GPHN: variants seen among roughly 807,000 people sequenced by gnomAD.
GPHN encodes the protein gephyrin.
GPHN carries 17 observed loss-of-function variants against 95.5 expected under a neutral mutation model. That is an observed-to-expected ratio of 0.18 (90% CI 0.12 to 0.27). The LOEUF is 0.27. Among genes scored for constraint, GPHN ranks in the 10% least tolerant of loss-of-function variants. The probability of loss-of-function intolerance (pLI) is 1.00; values close to 1 mark genes in which losing one functional copy is unlikely to be tolerated. For missense variants in GPHN, 660 were observed against 978.1 expected (o/e 0.67, Z 4.34); for synonymous variants, 320 against 322.5 (o/e 0.99, Z 0.08).
the GPHN span, chr14:67,470,301 C>A: frequency 6.6e-6 from 1 of 152,218 alleles, no homozygotes; most frequent in South Asian, 2.1e-4. Flanking sequence ...TTTATGTGCA[C>A]AAATGTGAAA....
rs1054768270 is a variant in GPHN at position 67,161,454 on chromosome 14, T to C, written c.1910+1966T>C. 2.0e-5 allele frequency among the ~76,000 whole-genome samples: 3 copies of C among 152,212 alleles called. 1 individual carries two copies. Among genetic ancestry groups the C allele is most frequent in the South Asian group, 4.1e-4 (2 of 4,824 alleles). On this transcript the variant is annotated intron_variant, in intron 19 of 22. Coordinates refer to ENST00000478722, the MANE Select transcript of GPHN (RefSeq NM_020806.5). ...ATATCCCAAAAGCATATCAGTGTGCTTCTCAAAACCTCAAAAATTGAATTG... is the reference window on the plus strand; with the variant it reads ...ATATCCCAAAAGCATATCAGTGTGCCTCTCAAAACCTCAAAAATTGAATTG...
At chr14:66,720,464 G>A (rs888928892) in intron 2 of GPHN, among the ~76,000 whole-genome samples, 16 of 152,156 alleles carry the variant, frequency 1.1e-4, no homozygotes, top group Non-Finnish European at 2.4e-4. Context: ...TAAGGCATGA[G>A]AATCACTTGA....
At chr14:66,680,185 G>A (rs1355490928) in intron 1 of GPHN, among the ~76,000 whole-genome samples, 1 of 152,140 alleles carries the variant, frequency 6.6e-6, no homozygotes, top group Non-Finnish European at 1.5e-5. Context: ...TCTGTCTGGT[G>A]ACTTTGTATT....
chr14:67,295,594 T>C, the GPHN span, among the ~76,000 whole-genome samples: 1 of 150,940 alleles, frequency 6.6e-6, no homozygotes, highest in East Asian at 2.0e-4. Context: ...AAATGGCCAA[T>C]AGCAATGAAA....
At chr14:67,660,554 T>C in the GPHN span, among the ~76,000 whole-genome samples, 1 of 152,204 alleles carries the variant, frequency 6.6e-6, no homozygotes. Flanking sequence ...TTAAAAATGA[T>C]AGGGGTCTGG....
chr14:67,122,126 C>A, intron 16 of GPHN, 130 bp from the exon 17 acceptor site: 1 of 826,248 alleles, frequency 1.2e-6, no homozygotes, highest in Non-Finnish European at 2.1e-6. Flanking sequence ...TTTGGGCATT[C>A]ACCTTCAAAA....
At chr14:67,105,688 T>G (rs1022004197) in intron 13 of GPHN, among the ~76,000 whole-genome samples, 4 of 152,190 alleles carry the variant, frequency 2.6e-5, no homozygotes, top group African/African-American at 9.6e-5. Flanking sequence ...TCAAATATCT[T>G]GATTCATTTC....
chr14:66,842,148 T>C (rs2062123060), intron 4 of GPHN, among the ~76,000 whole-genome samples: 2 of 148,790 alleles, frequency 1.3e-5, no homozygotes, highest in Admixed American at 6.9e-5. Context: ...GCTAGAAATA[T>C]TATTTTTGGA....
rs1056521045 is a variant in GPHN, at chr14:66,613,932, T to C, written c.65-67175T>C. On this transcript the variant is annotated intron_variant, in intron 1 of 22. Transcript: ENST00000478722. ...AACATTTGATATTATCAGTCTTTCA[T>C]TTTACTCATTGTAGCACTCATTTGA... Among the ~76,000 whole-genome samples the C allele has an allele frequency of 2.0e-5, 3 of 152,156 alleles. 1 individual carries two copies. The highest frequency in any genetic ancestry group is 2.9e-5 in the Non-Finnish European group (2 of 68,008).
At chr14:67,418,089 C>T in the GPHN span, among the ~76,000 whole-genome samples, 2 of 152,258 alleles carry the variant, frequency 1.3e-5, no homozygotes, top group South Asian at 4.1e-4. Context: ...GTAGCATGGT[C>T]ATATTTACTG....
chr14:66,769,093 A>G (rs1325557830), intron 2 of GPHN, among the ~76,000 whole-genome samples: 2 of 152,028 alleles, frequency 1.3e-5, no homozygotes, highest in African/African-American at 4.8e-5. Context: ...GGACGATTGT[A>G]ATACTGGGAC....
At chr14:67,066,997 G>C (rs2076084925) in intron 11 of GPHN, among the ~76,000 whole-genome samples, 1 of 152,154 alleles carries the variant, frequency 6.6e-6, no homozygotes, top group Non-Finnish European at 1.5e-5. Flanking sequence ...CGATCCTTTG[G>C]AGGAGAAAAG....
At chr14:66,655,247 A>T (rs1174206141) in intron 1 of GPHN, among the ~76,000 whole-genome samples, 1 of 152,084 alleles carries the variant, frequency 6.6e-6, no homozygotes, top group Non-Finnish European at 1.5e-5. Context: ...ACAATCTGTT[A>T]TTCTGTATAT....
At chr14:66,911,397 C>G (rs896722897) in intron 5 of GPHN, among the ~76,000 whole-genome samples, 1 of 151,722 alleles carries the variant, frequency 6.6e-6, no homozygotes, top group South Asian at 2.1e-4. Context: ...TGAATTGTAT[C>G]CTTTAAATGG....
intron 18 of GPHN, among the ~76,000 whole-genome samples, chr14:67,152,639 T>C (rs543892699): frequency 9.2e-5 from 14 of 152,290 alleles, no homozygotes; most frequent in African/African-American, 3.4e-4. Context: ...ACATCTCCAC[T>C]GGGCAGAATT....
At chr14:67,728,656 G>T in the GPHN span, among the ~76,000 whole-genome samples, 1 of 149,258 alleles carries the variant, frequency 6.7e-6, no homozygotes, top group African/African-American at 2.5e-5. Context: ...TATGGCCCTG[G>T]CACATAATTG....
At chr14:67,650,507 C>T in the GPHN span, 3 of 583,260 alleles carry the variant, frequency 5.1e-6, no homozygotes, top group Non-Finnish European at 3.1e-6. Flanking sequence ...TAAAAGGTTT[C>T]TTTTAATCTA....
At chr14:66,582,309 G>A (rs529753311) in intron 1 of GPHN, among the ~76,000 whole-genome samples, 3 of 151,792 alleles carry the variant, frequency 2.0e-5, no homozygotes, top group Admixed American at 1.3e-4. Flanking sequence ...GAAATTAAAG[G>A]GAAATTAAAA....
At chr14:67,694,037 C>G in the GPHN span, among the ~76,000 whole-genome samples, 1 of 152,106 alleles carries the variant, frequency 6.6e-6, no homozygotes, top group African/African-American at 2.4e-5. Flanking sequence ...CTCAGACTGG[C>G]CTATTCTCTT....
Sources: gnomAD v4.1 joint callset for allele counts (sites outside exome capture counted in the v4.1 genomes callset) on GRCh38, gnomAD v4.1.1 for gene constraint, MANE v1.5 for transcripts, NCBI Gene and HGNC (gene_info 2026-07-23, HGNC 2026-07-21) for gene names.